The following SLIT3 variants were observed in gnomAD, a reference collection of about 807,000 sequenced individuals.
SLIT3 encodes slit guidance ligand 3.
SLIT3 carries 68 observed loss-of-function variants against 184.0 expected under a neutral mutation model. The ratio of observed to expected loss-of-function variants is 0.37; its 90% CI spans 0.30 to 0.45. The LOEUF (loss-of-function observed/expected upper bound fraction) is 0.45, where lower values mean the gene tolerates loss of function less well. SLIT3 is among the 20% of genes least tolerant of loss of function. SLIT3 has a pLI of 1.00. For synonymous variants in SLIT3, 831 were observed against 828.6 expected, an observed-to-expected ratio of 1.00 and a Z score of -0.05; for missense variants, 1,707 against 2,026.0, an observed-to-expected ratio of 0.84 and a Z score of 3.02.
At chr5:168,697,919 G>C (rs1387840599) in intron 27 of SLIT3, among the ~76,000 whole-genome samples, 1 of 152,186 alleles carries the variant, frequency 6.6e-6, no homozygotes, top group Non-Finnish European at 1.5e-5. Flanking sequence ...GGGCTACCTG[G>C]CAGTGAGATA....
chr5:168,674,842 CAG>C (rs1240154644), intron 32 of SLIT3, among the ~76,000 whole-genome samples: 3 of 149,504 alleles, frequency 2.0e-5, no homozygotes, highest in Admixed American at 6.6e-5. Context: ...CTGTCTCTAA[CAG>C]GGCCAAGAGC....
In SLIT3 at chr5:168,952,586, AAGAC is replaced by A. The variant is rs1177703862; in HGVS notation, c.414-69254_414-69251del. On this transcript the variant is annotated intron_variant, in intron 4 of 35. Coordinates refer to ENST00000519560, the MANE Select transcript of SLIT3 (RefSeq NM_003062.4). Reference sequence around the variant, plus strand: ...CAAAGGGATTTAAAAAAAAAAAAAAAAGACAGAGAGGGAGAGAACAAAAGGCAAA... The same window carrying A: ...CAAAGGGATTTAAAAAAAAAAAAAAAAGAGAGGGAGAGAACAAAAGGCAAA... 2.5e-4 allele frequency among the ~76,000 whole-genome samples: 37 copies of A among 145,644 alleles called. 1 individual carries two copies. The East Asian group carries it at 3.1e-3, about 12-fold the overall frequency.
chr5:169,107,895 CT>C (rs1325452508), intron 4 of SLIT3, among the ~76,000 whole-genome samples: 1 of 152,250 alleles, frequency 6.6e-6, no homozygotes, highest in Non-Finnish European at 1.5e-5. Flanking sequence ...TTGAGAACTC[CT>C]TCAGAGAAGC....
At chr5:169,193,056 C>G (rs1217705076) in intron 4 of SLIT3, among the ~76,000 whole-genome samples, 1 of 152,242 alleles carries the variant, frequency 6.6e-6, no homozygotes, top group Non-Finnish European at 1.5e-5. Flanking sequence ...AAGGCAGGAG[C>G]TGCTTCAACC....
intron 4 of SLIT3, among the ~76,000 whole-genome samples, chr5:169,184,522 T>G (rs891297673): frequency 5.9e-5 from 9 of 152,188 alleles, no homozygotes; most frequent in Admixed American, 1.3e-4. Flanking sequence ...CTTCAAAATA[T>G]ATAAAATAAC....
chr5:169,291,085 A>T (rs1767350654), intron 1 of SLIT3, among the ~76,000 whole-genome samples: 1 of 152,110 alleles, frequency 6.6e-6, no homozygotes, highest in East Asian at 1.9e-4. Flanking sequence ...ACAAGAGAAG[A>T]GGAGTCTGAG....
chr5:169,028,757 C>T (rs887040445), intron 4 of SLIT3, among the ~76,000 whole-genome samples: 9 of 152,144 alleles, frequency 5.9e-5, no homozygotes, highest in African/African-American at 9.7e-5. Context: ...GAGTAAAATC[C>T]TACCCAGAGG....
intron 4 of SLIT3, among the ~76,000 whole-genome samples, chr5:169,072,182 G>T (rs1369691209): frequency 6.6e-6 from 1 of 152,166 alleles, no homozygotes; most frequent in Non-Finnish European, 1.5e-5. Context: ...GGTGATGGTG[G>T]TAGTGTCCAT....
At chr5:169,167,068 G>A (rs1257008556) in intron 4 of SLIT3, among the ~76,000 whole-genome samples, 1 of 151,956 alleles carries the variant, frequency 6.6e-6, no homozygotes, top group Non-Finnish European at 1.5e-5. Flanking sequence ...TACTCTAGAG[G>A]CTGAGGTGGG....
chr5:168,936,756 T>G (rs566795541), intron 4 of SLIT3, among the ~76,000 whole-genome samples: 1 of 152,058 alleles, frequency 6.6e-6, no homozygotes, highest in African/African-American at 2.4e-5. Flanking sequence ...TACAGGGTGG[T>G]TGGCGTTCAG....
intron 4 of SLIT3, among the ~76,000 whole-genome samples, chr5:168,930,575 A>G (rs950849341): frequency 6.6e-5 from 10 of 152,244 alleles, no homozygotes; most frequent in African/African-American, 2.4e-4. Flanking sequence ...CTGAAGAGAT[A>G]AAACATGCAG....
intron 12 of SLIT3, among the ~76,000 whole-genome samples, chr5:168,783,067 CAGA>C (rs1372203873): frequency 6.6e-6 from 1 of 152,114 alleles, no homozygotes; most frequent in African/African-American, 2.4e-5. Flanking sequence ...AAACGAGTGA[CAGA>C]AGGATTTGTG....
At chr5:168,966,641 T>C (rs1213525688) in intron 4 of SLIT3, among the ~76,000 whole-genome samples, 1 of 152,192 alleles carries the variant, frequency 6.6e-6, no homozygotes, top group East Asian at 1.9e-4. Context: ...TCCTCCAAAA[T>C]GTTGCTTGAT....
chr5:168,901,971 G>A (rs757824788), intron 4 of SLIT3, among the ~76,000 whole-genome samples: 4 of 152,092 alleles, frequency 2.6e-5, no homozygotes, highest in South Asian at 2.1e-4. Flanking sequence ...GCGCGATCTC[G>A]GCTCACTGCA....
At chr5:169,095,834 C>G (rs1254682677) in intron 4 of SLIT3, among the ~76,000 whole-genome samples, 1 of 152,162 alleles carries the variant, frequency 6.6e-6, no homozygotes, top group Non-Finnish European at 1.5e-5. Context: ...AGAATTACAC[C>G]CATTCTTCAA....
chr5:168,989,238 T>A (rs1755236308), intron 4 of SLIT3, among the ~76,000 whole-genome samples: 1 of 152,198 alleles, frequency 6.6e-6, no homozygotes, highest in African/African-American at 2.4e-5. Context: ...CGGTTAGGAA[T>A]TCCCACAAAA....
At chr5:168,773,576 T>C (rs185342277) in intron 13 of SLIT3, among the ~76,000 whole-genome samples, 1 of 152,138 alleles carries the variant, frequency 6.6e-6, no homozygotes, top group Admixed American at 6.5e-5. Context: ...TTACAGGGTC[T>C]CCAGAAGCCC....
chr5:169,108,230 A>T (rs1218533830), intron 4 of SLIT3, among the ~76,000 whole-genome samples: 1 of 152,224 alleles, frequency 6.6e-6, no homozygotes, highest in Admixed American at 6.5e-5. Flanking sequence ...TTATTTTCAG[A>T]CAGTGGGAGA....
At chr5:168,849,131 T>C (rs1758586169) in intron 5 of SLIT3, among the ~76,000 whole-genome samples, 1 of 152,236 alleles carries the variant, frequency 6.6e-6, no homozygotes, top group East Asian at 1.9e-4. Context: ...TGAAAATAGA[T>C]ATCTTCAGAA....
Sources: allele counts gnomAD v4.1 joint callset (sites outside exome capture counted in the v4.1 genomes callset), GRCh38; gene constraint gnomAD v4.1.1; transcripts MANE v1.5; gene names NCBI Gene and HGNC (gene_info 2026-07-23, HGNC 2026-07-21).